THADA: variants seen among roughly 807,000 people sequenced by gnomAD.
THADA encodes the protein tRNA (32-2'-O)-methyltransferase regulator THADA.
A neutral mutation model predicts 219.8 loss-of-function variants in THADA; 213 were observed. The observed-to-expected ratio is 0.97, with a 90% CI of 0.87 to 1.09. THADA has a LOEUF of 1.09. Ranked by LOEUF, THADA falls within the 50% of genes least tolerant of loss-of-function variation. THADA has a pLI of 0.00. For synonymous variants in THADA, 1,018 were observed against 828.9 expected (o/e 1.23, Z -3.92); for missense variants, 2,956 against 2,311.3 (o/e 1.28, Z -5.72).
chr2:43,521,169 G>A (rs1692421663), intron 22 of THADA, among the ~76,000 whole-genome samples: 1 of 150,574 alleles, frequency 6.6e-6, no homozygotes, highest in South Asian at 2.1e-4. Context: ...GGAAGGAAAG[G>A]AGGGAGGGAG....
At chr2:43,592,076 A>C in intron 2 of THADA, 30 bp from the exon 3 acceptor site, 1 of 1,497,814 alleles carries the variant, frequency 6.7e-7, no homozygotes, top group Non-Finnish European at 9.0e-7. Context: ...AAAAATTTTC[A>C]ATGATTTAAC....
At chr2:43,427,503 T>G (rs148577358) in intron 28 of THADA, among the ~76,000 whole-genome samples, 1 of 140,600 alleles carries the variant, frequency 7.1e-6, no homozygotes, top group Admixed American at 7.2e-5. Context: ...CTCCCAAAGT[T>G]TGTGTGTGTG....
chr2:43,506,668 G>A (rs1336163521), intron 23 of THADA, among the ~76,000 whole-genome samples: 4 of 152,150 alleles, frequency 2.6e-5, no homozygotes, highest in African/African-American at 9.7e-5. Flanking sequence ...ACACCTCTGT[G>A]AATATACTGA....
chr2:43,475,261 C>T (rs569782549), intron 26 of THADA, among the ~76,000 whole-genome samples: 14 of 151,576 alleles, frequency 9.2e-5, no homozygotes, highest in South Asian at 2.1e-4. Flanking sequence ...ACAAAGAATA[C>T]AAAAATTAGC....
At chr2:43,557,308 T>C (rs769142065) in intron 16 of THADA, among the ~76,000 whole-genome samples, 3 of 152,204 alleles carry the variant, frequency 2.0e-5, no homozygotes, top group Admixed American at 6.5e-5. Flanking sequence ...CTTTGTCCTG[T>C]AGAATTTTGC....
rs188254140 is a variant in THADA at position 43,407,921 on chromosome 2, C to T, written c.4059-9782G>A. 2.2e-3 allele frequency among the ~76,000 whole-genome samples: 334 copies of T among 150,394 alleles called. 2 individuals carry two copies. The highest frequency in any genetic ancestry group is 7.7e-3 in the African/African-American group (314 of 40,944). ...CCACAACCAAATAAAATGTCCTGTG[C>T]CAATTTTTTTGTTGTGATAATGAAT... On this transcript the variant is annotated intron_variant, in intron 28 of 37. Transcript: ENST00000405975.
At chr2:43,494,558 ATCTC>A (rs1688037070) in intron 25 of THADA, among the ~76,000 whole-genome samples, 1 of 152,174 alleles carries the variant, frequency 6.6e-6, no homozygotes, top group Admixed American at 6.5e-5. Flanking sequence ...GAGTTATTTC[ATCTC>A]TCTGAGCCTT....
At chr2:43,406,982 T>C (rs1675619775) in intron 28 of THADA, among the ~76,000 whole-genome samples, 1 of 152,138 alleles carries the variant, frequency 6.6e-6, no homozygotes, top group South Asian at 2.1e-4. Context: ...AACCAAGAAA[T>C]GAGCACGTTC....
At chr2:43,267,293 C>T (rs1383217257) in intron 36 of THADA, among the ~76,000 whole-genome samples, 1 of 152,222 alleles carries the variant, frequency 6.6e-6, no homozygotes, top group Admixed American at 6.5e-5. Context: ...GGCCTACCAC[C>T]TGAGAGGGTG....
intron 29 of THADA, among the ~76,000 whole-genome samples, chr2:43,369,517 C>G (rs751836742): frequency 2.6e-5 from 4 of 152,178 alleles, no homozygotes; most frequent in South Asian, 4.1e-4. Flanking sequence ...CTTATATTAA[C>G]TAGGTTTTGT....
At chr2:43,515,324 A>G (rs1213104921) in intron 22 of THADA, among the ~76,000 whole-genome samples, 2 of 44,192 alleles carry the variant, frequency 4.5e-5, no homozygotes, top group African/African-American at 1.3e-4. Context: ...TATTTTATAT[A>G]TAATATATAA....
At chr2:43,247,757 G>C (rs1015586069) in intron 36 of THADA, among the ~76,000 whole-genome samples, 2 of 150,940 alleles carry the variant, frequency 1.3e-5, no homozygotes, top group African/African-American at 4.9e-5. Context: ...AAAAAAAAGG[G>C]GGGTGCTGGG....
rs537805934 is a variant in THADA at position 43,516,086 on chromosome 2, C to T, written c.3375-7306G>A. Among the ~76,000 whole-genome samples, 8 of 152,270 alleles carry T rather than the reference C, an allele frequency of 5.3e-5. No individual in the cohort carries two copies. The South Asian group carries it at 1.2e-3, about 24-fold the overall frequency. On this transcript the variant is annotated intron_variant, in intron 22 of 37. Coordinates refer to ENST00000405975, the MANE Select transcript of THADA (RefSeq NM_022065.5). ...ACAAACCTTGCCTGCTCTATCTTCA[C>T]GTTACATCCAGATTCAGATCACGTT... is the stretch of plus-strand genomic sequence containing the variant.
At chr2:43,277,562 T>C (rs1297634507) in intron 36 of THADA, among the ~76,000 whole-genome samples, 1 of 152,250 alleles carries the variant, frequency 6.6e-6, no homozygotes, top group Non-Finnish European at 1.5e-5. Flanking sequence ...GGAGACGGTC[T>C]GAGAGCAGAG....
intron 30 of THADA, among the ~76,000 whole-genome samples, chr2:43,330,833 C>T (rs932761754): frequency 6.6e-6 from 1 of 152,140 alleles, no homozygotes; most frequent in South Asian, 2.1e-4. Flanking sequence ...ATGATCAGGC[C>T]TCGGGAGAGG....
intron 24 of THADA, among the ~76,000 whole-genome samples, chr2:43,499,741 A>T (rs58914400): frequency 0.011 from 1,683 of 151,904 alleles, 25 homozygotes; most frequent in African/African-American, 0.036. Flanking sequence ...TTTTTTTTTT[A>T]AATATTTTGA....
At chr2:43,466,939 T>C (rs749337773) in intron 26 of THADA, among the ~76,000 whole-genome samples, 4 of 148,962 alleles carry the variant, frequency 2.7e-5, no homozygotes, top group Non-Finnish European at 5.9e-5. Context: ...TCCCAGCACT[T>C]TGGGAGGCCG....
intron 22 of THADA, among the ~76,000 whole-genome samples, chr2:43,510,006 C>A (rs575720523): frequency 6.6e-6 from 1 of 152,186 alleles, no homozygotes; most frequent in East Asian, 1.9e-4. Context: ...ACATAACAAC[C>A]AAATGTAGTG....
At chr2:43,518,295 A>T (rs1691985813) in intron 22 of THADA, among the ~76,000 whole-genome samples, 1 of 152,222 alleles carries the variant, frequency 6.6e-6, no homozygotes, top group Non-Finnish European at 1.5e-5. Flanking sequence ...TAACTAGAAA[A>T]GAAAGTACAA....
Sources: gnomAD v4.1 joint callset for allele counts (sites outside exome capture counted in the v4.1 genomes callset) on GRCh38, gnomAD v4.1.1 for gene constraint, MANE v1.5 for transcripts, NCBI Gene and HGNC (gene_info 2026-07-23, HGNC 2026-07-21) for gene names.